PDE9A: variants seen among roughly 807,000 people sequenced by gnomAD.
The protein encoded by PDE9A is high affinity cGMP-specific 3',5'-cyclic phosphodiesterase 9A.
PDE9A carries 60 observed loss-of-function variants against 87.4 expected under a neutral mutation model. That is an observed-to-expected ratio of 0.69 (90% CI 0.56 to 0.85). PDE9A has a LOEUF of 0.85. Among genes scored for constraint, PDE9A ranks in the 40% least tolerant of loss-of-function variants. PDE9A has a pLI of 0.00. For missense variants in PDE9A, 665 were observed against 779.0 expected, an observed-to-expected ratio of 0.85 and a Z score of 1.74; for synonymous variants, 272 against 279.4, an observed-to-expected ratio of 0.97 and a Z score of 0.27.
intron 8 of PDE9A, among the ~76,000 whole-genome samples, chr21:42,748,917 T>C (rs78670279): frequency 0.011 from 1,719 of 152,336 alleles, 30 homozygotes; most frequent in African/African-American, 0.039. Context: ...GCATTCTTAT[T>C]TTCCCTTTTC....
At chr21:42,715,433 A>G (rs370668014) in intron 4 of PDE9A, among the ~76,000 whole-genome samples, 1 of 150,606 alleles carries the variant, frequency 6.6e-6, no homozygotes, top group Non-Finnish European at 1.5e-5. Flanking sequence ...TCAAGACCAG[A>G]CTGGCCAACA....
At chr21:42,663,695 C>T (rs1255917376) in intron 1 of PDE9A, among the ~76,000 whole-genome samples, 4 of 152,174 alleles carry the variant, frequency 2.6e-5, no homozygotes, top group Non-Finnish European at 4.4e-5. Context: ...TGTCCTCATG[C>T]CAGGCTGAGA....
chr21:42,765,023 G>GGA (rs1256479087), intron 14 of PDE9A, among the ~76,000 whole-genome samples: 217 of 46,012 alleles, frequency 4.7e-3, no homozygotes, highest in Non-Finnish European at 8.3e-3. Flanking sequence ...GGATGGATGG[G>GGA]TGGATGGGTG....
At chr21:42,714,651 G>A (rs1262272292) in intron 4 of PDE9A, among the ~76,000 whole-genome samples, 1 of 149,154 alleles carries the variant, frequency 6.7e-6, no homozygotes, top group East Asian at 2.0e-4. Context: ...ACCAGTCTTT[G>A]TTGATTAGCT....
chr21:42,659,982 G>A lies in PDE9A; in HGVS notation c.69+6099G>A, dbSNP rs938052697. Among the ~76,000 whole-genome samples, 3 of 152,210 alleles carry A rather than the reference G, an allele frequency of 2.0e-5. No homozygotes were observed. The highest frequency in any genetic ancestry group is 4.4e-5 in the Non-Finnish European group (3 of 68,024). ...GCAGCTGATCTCAGTGCAGCAACTGGGACACCTCGGGGCATAAGCCGGGCA... is the reference window on the plus strand; with the variant it reads ...GCAGCTGATCTCAGTGCAGCAACTGAGACACCTCGGGGCATAAGCCGGGCA... On this transcript the variant is annotated intron_variant, in intron 1 of 19. Transcript: ENST00000291539. This position sits in a 1 kb window ranked among gnomAD's most constrained non-coding sequence, Gnocchi z 4.1.
At position 42,690,063 on chromosome 21, in the gene PDE9A, T is replaced by C. The variant is rs1009259622; in HGVS notation, c.218+2069T>C. On this transcript the variant is annotated intron_variant, in intron 3 of 19. Transcript: ENST00000291539. ...CGGATGAGGATACAGATGGAGAAGA[T>C]GGAGGTAGACGCGGGTGAGGATACA... 3.4e-4 allele frequency: 332 copies of C among 983,388 alleles called. 1 individual carries two copies. The highest frequency in any genetic ancestry group is 3.9e-4 in the Non-Finnish European group (322 of 829,362). The allele number at this position is 983,388 out of a possible 1,614,324, so 60.9% of individuals were successfully genotyped here. A position where few individuals can be genotyped will look rare whatever the true frequency, so the allele number is the denominator to read the frequency against.
intron 4 of PDE9A, among the ~76,000 whole-genome samples, chr21:42,707,193 A>G (rs567187746): frequency 1.1e-4 from 16 of 152,356 alleles, no homozygotes; most frequent in African/African-American, 3.1e-4. Context: ...TTTAAAGTCT[A>G]GCCGTCTTGA....
At chr21:42,686,171 C>A (rs1234869154) in intron 1 of PDE9A, 21 bp from the exon 2 acceptor site, 1 of 1,607,914 alleles carries the variant, frequency 6.2e-7, no homozygotes, top group Non-Finnish European at 8.5e-7. Flanking sequence ...GCTGCCGCCT[C>A]ACCGCGCTTC....
intron 8 of PDE9A, 152 bp downstream of exon 8, chr21:42,744,012 CCCTGCTTGCGA>C (rs2053588598): frequency 1.6e-6 from 1 of 609,254 alleles, no homozygotes; most frequent in Admixed American, 2.9e-5. Context: ...GAGGCAGCCA[CCCTGCTTGCGA>C]CCTGCTTGTC....
intron 7 of PDE9A, among the ~76,000 whole-genome samples, chr21:42,742,977 T>C (rs13052351): frequency 0.027 from 4,183 of 152,294 alleles, 87 homozygotes; most frequent in South Asian, 0.051. Context: ...CTGTGGCTGT[T>C]AGTCTCGTCC....
intron 1 of PDE9A, among the ~76,000 whole-genome samples, chr21:42,661,836 G>T (rs1186169618): frequency 6.6e-6 from 1 of 152,232 alleles, no homozygotes; most frequent in Non-Finnish European, 1.5e-5. Context: ...CTGTGGTGTA[G>T]CCTGTGTACA....
chr21:42,768,864 A>C, intron 16 of PDE9A, 163 bp from the exon 17 acceptor site: 4 of 985,084 alleles, frequency 4.1e-6, no homozygotes, highest in Non-Finnish European at 4.8e-6. Context: ...TCTGTTTAGC[A>C]CTGAAGATAG....
At chr21:42,699,142 G>A (rs2060303695) in intron 4 of PDE9A, 131 bp downstream of exon 4, 2 of 642,134 alleles carry the variant, frequency 3.1e-6, no homozygotes, top group Non-Finnish European at 5.6e-6. Context: ...TACCTTTGAA[G>A]CATTTAACTA....
chr21:42,669,324 C>T (rs900378384), intron 1 of PDE9A, among the ~76,000 whole-genome samples: 6 of 152,134 alleles, frequency 3.9e-5, no homozygotes, highest in African/African-American at 1.4e-4. Context: ...GGCCGCATCA[C>T]ACCACCTTTC....
chr21:42,742,458 T>C lies in PDE9A; in HGVS notation c.569-1318T>C, dbSNP rs976503611. On this transcript the variant is annotated intron_variant, in intron 7 of 19. Transcript: ENST00000291539. Reference sequence around the variant, plus strand: ...ATCATAGGGAGTTGAAGCTGTCTGCTTTTTTTTTTTTTTTTTTTTTTTTTT... The same window carrying C: ...ATCATAGGGAGTTGAAGCTGTCTGCCTTTTTTTTTTTTTTTTTTTTTTTTT... Among the ~76,000 whole-genome samples the C allele has an allele frequency of 4.4e-4, 27 of 61,648 alleles. No individual in the cohort carries two copies. The South Asian group carries it at 6.5e-3, about 15-fold the overall frequency. 40.4% of individuals were successfully genotyped at this position (61,648 alleles called of 152,430 possible).
chr21:42,746,296 G>A (rs974167406), intron 8 of PDE9A, among the ~76,000 whole-genome samples: 3 of 152,194 alleles, frequency 2.0e-5, no homozygotes, highest in African/African-American at 4.8e-5. Context: ...GCTGCGTAAC[G>A]AATTCTCATA....
At position 42,704,005 on chromosome 21, in the gene PDE9A, A is replaced by G. The variant is rs371432580; in HGVS notation, c.262+4994A>G. On this transcript the variant is annotated intron_variant, in intron 4 of 19. Coordinates refer to ENST00000291539, the MANE Select transcript of PDE9A (RefSeq NM_002606.3). The surrounding 1 kb of genome is among the most constrained non-coding windows in gnomAD (Gnocchi z 5.3). Reference sequence around the variant, plus strand: ...GGGTTGGTTCAGGAGCATTCGGCCCAGGCTGTGATCTCGAGAAGGTGGTCA... The same window carrying G: ...GGGTTGGTTCAGGAGCATTCGGCCCGGGCTGTGATCTCGAGAAGGTGGTCA... Among the ~76,000 whole-genome samples, 64 of 152,292 alleles carry G rather than the reference A, an allele frequency of 4.2e-4. 1 individual carries two copies. Among genetic ancestry groups the G allele is most frequent in the African/African-American group, 1.5e-3 (63 of 41,564 alleles).
At chr21:42,712,739 T>C (rs1022028759) in intron 4 of PDE9A, among the ~76,000 whole-genome samples, 5 of 152,224 alleles carry the variant, frequency 3.3e-5, no homozygotes, top group African/African-American at 1.2e-4. Context: ...GACAAAATTC[T>C]TTGTTAACTT....
chr21:42,703,671 T>A (rs951316343), intron 4 of PDE9A, among the ~76,000 whole-genome samples: 2 of 152,108 alleles, frequency 1.3e-5, no homozygotes, highest in African/African-American at 4.8e-5. Context: ...TGGAACCAGC[T>A]GTCCTAAGGC....
Sources: gnomAD v4.1 joint callset for allele counts (sites outside exome capture counted in the v4.1 genomes callset) on GRCh38, gnomAD v4.1.1 for gene constraint, Gnocchi (gnomAD v3.1) non-coding constraint, MANE v1.5 for transcripts, NCBI Gene and HGNC (gene_info 2026-07-23, HGNC 2026-07-21) for gene names.